MMP26: variants seen among roughly 807,000 people sequenced by gnomAD.
MMP26 encodes matrix metallopeptidase 26.
A neutral mutation model predicts 31.0 loss-of-function variants in MMP26; 33 were observed. That is an observed-to-expected ratio of 1.06 (90% CI 0.81 to 1.42). The LOEUF (loss-of-function observed/expected upper bound fraction) is 1.42, where lower values mean the gene tolerates loss of function less well. MMP26 is among the 40% of genes most tolerant of loss of function. MMP26 has a pLI of 0.00. For missense variants in MMP26, 347 were observed against 316.1 expected, an observed-to-expected ratio of 1.10 and a Z score of -0.74; for synonymous variants, 122 against 114.9, an observed-to-expected ratio of 1.06 and a Z score of -0.40.
At position 4,926,892 on chromosome 11, in the gene MMP26, G is replaced by A. The variant is rs541251693; in HGVS notation, c.-144-61176G>A. ...TCTGCTCAATACATGTTGAATAAAT[G>A]TATGAGTGAATGGATAAAAAGAGAT... On this transcript the variant is annotated intron_variant, in intron 2 of 7. Transcript: ENST00000380390. Among the ~76,000 whole-genome samples, 3 of 152,288 alleles carry A rather than the reference G, an allele frequency of 2.0e-5. No homozygotes were observed. The South Asian group carries it at 6.2e-4, about 32-fold the overall frequency.
At chr11:4,951,311 T>C (rs1846371404) in intron 2 of MMP26, among the ~76,000 whole-genome samples, 2 of 124,164 alleles carry the variant, frequency 1.6e-5, no homozygotes, top group Admixed American at 9.0e-5. Flanking sequence ...GGTACCTGTC[T>C]GTCTTTGATG....
At chr11:4,786,940 T>A (rs978860078) in intron 2 of MMP26, 1 of 152,762 alleles carries the variant, frequency 6.5e-6, no homozygotes, top group Non-Finnish European at 1.5e-5. Context: ...ACCCATGTAC[T>A]GTTTTCTCTT....
chr11:4,963,737 G>A (rs138204593), intron 2 of MMP26, among the ~76,000 whole-genome samples: 147 of 152,262 alleles, frequency 9.7e-4, no homozygotes, highest in African/African-American at 3.3e-3. Flanking sequence ...TACCAATGGT[G>A]TAAAAGCGTT....
chr11:4,730,786 G>C (rs1235441475), intron 1 of MMP26, among the ~76,000 whole-genome samples: 1 of 152,128 alleles, frequency 6.6e-6, no homozygotes, highest in Non-Finnish European at 1.5e-5. Flanking sequence ...ATAGCTGGTA[G>C]ACCCTACAAA....
At chr11:4,938,722 G>C (rs1846165363) in intron 2 of MMP26, among the ~76,000 whole-genome samples, 1 of 152,072 alleles carries the variant, frequency 6.6e-6, no homozygotes, top group Admixed American at 6.6e-5. Flanking sequence ...AGTTTACTCT[G>C]GATTAGGAGG....
intron 2 of MMP26, chr11:4,915,182 A>G (rs2133574212): frequency 6.2e-7 from 1 of 1,614,106 alleles, no homozygotes; most frequent in Non-Finnish European, 8.5e-7. Context: ...TAATGGAAAA[A>G]TGAGTGCTAC....
intron 2 of MMP26, among the ~76,000 whole-genome samples, chr11:4,982,839 T>G (rs1846834345): frequency 6.6e-6 from 1 of 152,114 alleles, no homozygotes; most frequent in South Asian, 2.1e-4. Flanking sequence ...TGACCTGAGG[T>G]TCTAGGCTTT....
chr11:4,828,600 T>C (rs1009406628), intron 2 of MMP26, among the ~76,000 whole-genome samples: 1 of 152,146 alleles, frequency 6.6e-6, no homozygotes, highest in African/African-American at 2.4e-5. Flanking sequence ...AAAGGTATTT[T>C]CCTAATGGGT....
chr11:4,857,282 C>A (rs1016711755), intron 2 of MMP26, among the ~76,000 whole-genome samples: 2 of 151,272 alleles, frequency 1.3e-5, no homozygotes, highest in Admixed American at 6.6e-5. Flanking sequence ...TCAGTGAAAC[C>A]AGGAGCTGGT....
intron 2 of MMP26, chr11:4,972,949 T>C (rs1307372863): frequency 6.6e-6 from 1 of 152,274 alleles, no homozygotes; most frequent in Non-Finnish European, 1.5e-5. Flanking sequence ...CGCTTCAGCT[T>C]TGCTTCTGGC....
At chr11:4,785,061 A>G (rs952338364) in intron 2 of MMP26, among the ~76,000 whole-genome samples, 6 of 152,126 alleles carry the variant, frequency 3.9e-5, no homozygotes, top group African/African-American at 1.2e-4. Flanking sequence ...TGTTGCTTGT[A>G]AGAAATGCAT....
chr11:4,845,784 G>A (rs1849858668), intron 2 of MMP26, among the ~76,000 whole-genome samples: 1 of 152,122 alleles, frequency 6.6e-6, no homozygotes, highest in Non-Finnish European at 1.5e-5. Flanking sequence ...ATGGGCAAAA[G>A]AGGTACATAA....
intron 3 of MMP26, among the ~76,000 whole-genome samples, chr11:4,988,806 A>G (rs1238872309): frequency 6.6e-6 from 1 of 152,242 alleles, no homozygotes; most frequent in Non-Finnish European, 1.5e-5. Flanking sequence ...AACTGGTTGC[A>G]GTCATGTATT....
At chr11:4,950,578 T>C (rs1846362339) in intron 2 of MMP26, among the ~76,000 whole-genome samples, 1 of 121,176 alleles carries the variant, frequency 8.3e-6, no homozygotes, top group South Asian at 2.5e-4. Context: ...AAAGAATAAA[T>C]TCGATTATTT....
intron 1 of MMP26, chr11:4,709,838 T>C (rs1274002514): frequency 4.4e-6 from 2 of 457,280 alleles, no homozygotes; most frequent in South Asian, 1.5e-5. Flanking sequence ...TCTGGTTCAA[T>C]GCTCGAGAAA....
intron 2 of MMP26, among the ~76,000 whole-genome samples, chr11:4,922,666 T>G (rs911180211): frequency 6.6e-6 from 1 of 152,204 alleles, no homozygotes; most frequent in Non-Finnish European, 1.5e-5. Context: ...CTTTTACATT[T>G]TTACTCTTTT....
chr11:4,985,688 A>G (rs1846876069), intron 2 of MMP26, among the ~76,000 whole-genome samples: 1 of 152,104 alleles, frequency 6.6e-6, no homozygotes, highest in South Asian at 2.1e-4. Context: ...TACCTTATTA[A>G]TCTATATTTT....
intron 2 of MMP26, among the ~76,000 whole-genome samples, chr11:4,872,142 G>A (rs1042371253): frequency 1.3e-5 from 2 of 152,112 alleles, no homozygotes; most frequent in East Asian, 1.9e-4. Flanking sequence ...CATGTAAATG[G>A]CTAAGAACAG....
At chr11:4,731,115 T>G (rs535541489) in intron 1 of MMP26, among the ~76,000 whole-genome samples, 1 of 152,160 alleles carries the variant, frequency 6.6e-6, no homozygotes, top group African/African-American at 2.4e-5. Flanking sequence ...AGACTAATTT[T>G]GTATGTTTAG....
Sources: allele counts gnomAD v4.1 joint callset (sites outside exome capture counted in the v4.1 genomes callset), GRCh38; gene constraint gnomAD v4.1.1; transcripts MANE v1.5; gene names NCBI Gene and HGNC (gene_info 2026-07-23, HGNC 2026-07-21).